Variants in CRKL observed in about 807,000 individuals in gnomAD.
The protein encoded by CRKL is CRK like proto-oncogene, adaptor protein.
In CRKL, 3 loss-of-function variants were observed where a neutral mutation model predicts 23.0. The observed-to-expected ratio is 0.13, with a 90% CI of 0.06 to 0.34. The LOEUF (loss-of-function observed/expected upper bound fraction) is 0.34. CRKL is among the 10% of genes least tolerant of loss of function. CRKL has a pLI of 1.00. For missense variants in CRKL, 256 were observed against 394.5 expected (o/e 0.65, Z 2.97); for synonymous variants, 188 against 160.7 (o/e 1.17, Z -1.28).
At chr22:20,921,528 T>TGTATA (rs1920994341) in intron 1 of CRKL, among the ~76,000 whole-genome samples, 1 of 152,044 alleles carries the variant, frequency 6.6e-6, no homozygotes, top group South Asian at 2.1e-4. Context: ...AGGAGGGACC[T>TGTATA]ACCTGGGGTG....
Position 20,917,924 on chromosome 22 carries a change from G to A in CRKL, c.-11G>A, listed in dbSNP as rs751723587. ...CCGCCCCTACCGCCGCAGAGTCCCC[G>A]GTCCAACACCATGTCCTCCGCCAGG... On this transcript the variant is annotated 5_prime_UTR_variant, in exon 1 of 3. Coordinates refer to ENST00000354336, the MANE Select transcript of CRKL (RefSeq NM_005207.4). The A allele has an allele frequency of 1.9e-6, 3 of 1,610,328 alleles. No individual in the cohort carries two copies. Among genetic ancestry groups the A allele is most frequent in the East Asian group, 2.2e-5 (1 of 44,806 alleles).
In CRKL at chr22:20,952,871, G is replaced by A. The variant is rs547433271; in HGVS notation, c.*3026G>A. ...TGATGACATGGTTAACGAGGAAGAC[G>A]ATGTGTTGACCGGCTGCCGTTTGAG... On this transcript the variant is annotated 3_prime_UTR_variant, in exon 3 of 3. Transcript: ENST00000354336. 1.3e-5 allele frequency: 3 copies of A among 231,424 alleles called. No homozygotes were observed. The highest frequency in any genetic ancestry group is 1.8e-4 in the South Asian group (1 of 5,500). 14.3% of individuals were successfully genotyped at this position (231,424 alleles called of 1,614,324 possible).
At chr22:20,926,413 G>A (rs1192073388) in intron 1 of CRKL, among the ~76,000 whole-genome samples, 1 of 152,138 alleles carries the variant, frequency 6.6e-6, no homozygotes, top group Non-Finnish European at 1.5e-5. Context: ...AAATGCCATA[G>A]GAATGTAAAG....
chr22:20,927,128 A>AAAG (rs1555918905), intron 1 of CRKL, among the ~76,000 whole-genome samples: 5 of 125,820 alleles, frequency 4.0e-5, no homozygotes, highest in African/African-American at 1.2e-4. Context: ...AAAAAAAAAA[A>AAAG]AAAAAAAAGA....
chr22:20,945,183 C>T (rs1009846435), intron 2 of CRKL, among the ~76,000 whole-genome samples: 8 of 151,346 alleles, frequency 5.3e-5, no homozygotes, highest in African/African-American at 1.7e-4. Context: ...TTAGTAGAGA[C>T]GGGGTTTCAC....
At chr22:20,945,012 G>T (rs1193566851) in intron 2 of CRKL, among the ~76,000 whole-genome samples, 87 of 148,766 alleles carry the variant, frequency 5.8e-4, no homozygotes, top group Admixed American at 5.8e-3. Flanking sequence ...CTTTTTTTTT[G>T]GGATGGAGTT....
chr22:20,927,900 G>C (rs1921289921), intron 1 of CRKL, among the ~76,000 whole-genome samples: 1 of 147,378 alleles, frequency 6.8e-6, no homozygotes, highest in East Asian at 2.0e-4. Context: ...GTTGGCTCAT[G>C]TCTGTAATCC....
chr22:20,929,694 C>G (rs1921369041), intron 1 of CRKL, among the ~76,000 whole-genome samples: 1 of 152,160 alleles, frequency 6.6e-6, no homozygotes, highest in South Asian at 2.1e-4. Context: ...AACTCCTGAC[C>G]TCATGATCCA....
chr22:20,929,984 G>A (rs962505714), intron 1 of CRKL, among the ~76,000 whole-genome samples: 23 of 152,162 alleles, frequency 1.5e-4, no homozygotes, highest in African/African-American at 5.3e-4. Flanking sequence ...GAATAAATGA[G>A]TTTGAGAATA....
intron 2 of CRKL, among the ~76,000 whole-genome samples, chr22:20,943,842 C>T (rs187307909): frequency 2.0e-3 from 307 of 152,022 alleles, no homozygotes; most frequent in African/African-American, 6.8e-3. Flanking sequence ...AAAAAAATCA[C>T]TTGATCATAA....
chr22:20,920,498 CA>C (rs370186040), intron 1 of CRKL, among the ~76,000 whole-genome samples: 163 of 133,346 alleles, frequency 1.2e-3, no homozygotes, highest in Middle Eastern at 3.7e-3. Flanking sequence ...GACTCTGTCT[CA>C]AAAAAAAAAA....
chr22:20,930,887 T>G (rs1420097346), intron 1 of CRKL, among the ~76,000 whole-genome samples: 4 of 150,590 alleles, frequency 2.7e-5, no homozygotes, highest in Non-Finnish European at 5.9e-5. Context: ...TTTCACCGTG[T>G]TAGCCAGGAT....
chr22:20,933,966 G>C lies in CRKL; in HGVS notation c.499G>C (p.Asp167His), dbSNP rs2147905076. The C allele has an allele frequency of 9.9e-6, 16 of 1,614,186 alleles. No individual in the cohort carries two copies. The highest frequency in any genetic ancestry group is 1.4e-5 in the Non-Finnish European group (16 of 1,180,038). Residue 167 changes from aspartate (D) to histidine (H), a missense_variant, in exon 2 of 3, where the codon GAT (aspartate) becomes CAT (histidine). By Grantham distance (81) the Asp-to-His change is moderately conservative (BLOSUM62 -1). This residue lies in a region of CRKL where 129 missense variants were observed against 222.1 expected (regional missense o/e 0.58). Transcript: ENST00000354336. ...EEQWWSARNK[D>H]GRVGMIPVPY... is the part of the protein sequence containing the mutation. ...ACAGTGGTGGAGTGCCCGGAACAAGGATGGCCGGGTTGGGATGATTCCTGT... is the reference window on the plus strand; with the variant it reads ...ACAGTGGTGGAGTGCCCGGAACAAGCATGGCCGGGTTGGGATGATTCCTGT...
In CRKL at chr22:20,934,171, A is replaced by G; in HGVS notation, c.704A>G (p.Asn235Ser). 6.2e-7 allele frequency: 1 copy of G among 1,614,196 alleles called. No individual in the cohort carries two copies. The highest frequency in any genetic ancestry group is 8.5e-7 in the Non-Finnish European group (1 of 1,180,036). ...AAITPLPSTQNGPVFAKAIQK... is the reference protein window; with the variant it reads ...AAITPLPSTQSGPVFAKAIQK... Reference sequence around the variant, plus strand: ...ATCACCCCTTTGCCATCCACACAGAATGGACCTGTCTTTGCGAAAGCAATC... The same window carrying G: ...ATCACCCCTTTGCCATCCACACAGAGTGGACCTGTCTTTGCGAAAGCAATC... Residue 235 changes from asparagine (N) to serine (S), a missense_variant, in exon 2 of 3, where the codon AAT (asparagine) becomes AGT (serine). Around this residue, in one of 3 missense-constraint regions of CRKL, gnomAD observed 129 missense variants for 222.1 expected, o/e 0.58. Transcript: ENST00000354336.
intron 1 of CRKL, among the ~76,000 whole-genome samples, chr22:20,930,497 G>T (rs1260572070): frequency 6.6e-6 from 1 of 151,524 alleles, no homozygotes. Flanking sequence ...CTCTTCCCTC[G>T]GCCTCCCAAG....
Position 20,918,030 on chromosome 22 carries a change from C to G in CRKL, c.96C>G (p.Arg32=), listed in dbSNP as rs752621623. 1 of 1,614,248 alleles carries G rather than the reference C, an allele frequency of 6.2e-7. No homozygotes were observed. Among genetic ancestry groups the G allele is most frequent in the Non-Finnish European group, 8.5e-7 (1 of 1,180,054 alleles). Residue 32 remains arginine (R), a synonymous_variant, in exon 1 of 3, where the codon CGC becomes CGG. Coordinates refer to ENST00000354336, the MANE Select transcript of CRKL (RefSeq NM_005207.4). ...CGCAGACCCGGCTCCAGGGCCAGCGCCACGGTATGTTCCTCGTCCGCGATT... is the reference window on the plus strand; with the variant it reads ...CGCAGACCCGGCTCCAGGGCCAGCGGCACGGTATGTTCCTCGTCCGCGATT... ...QEAQTRLQGQ[R]HGMFLVRDSS... is the part of the protein sequence containing the mutation.
chr22:20,918,826 G>C (rs1929786399), intron 1 of CRKL, among the ~76,000 whole-genome samples: 1 of 152,066 alleles, frequency 6.6e-6, no homozygotes, highest in Non-Finnish European at 1.5e-5. Context: ...TCTTGCCCTC[G>C]TGATCCGCCT....
intron 1 of CRKL, 54 bp from the exon 2 acceptor site, chr22:20,933,725 G>A: frequency 7.1e-7 from 1 of 1,407,946 alleles, no homozygotes; most frequent in Non-Finnish European, 9.7e-7. Context: ...AGTTTGACAG[G>A]CACTGGCTTA....
At chr22:20,938,926 G>A (rs1921760514) in intron 2 of CRKL, among the ~76,000 whole-genome samples, 3 of 152,110 alleles carry the variant, frequency 2.0e-5, no homozygotes, top group Admixed American at 6.6e-5. Context: ...CAGATCGTGT[G>A]GAGGAAAAAT....
Sources: gnomAD v4.1 joint callset for allele counts (sites outside exome capture counted in the v4.1 genomes callset) on GRCh38, gnomAD v4.1.1 for gene constraint, gnomAD v4.1.1 regional missense constraint, MANE v1.5 for transcripts, NCBI Gene and HGNC (gene_info 2026-07-23, HGNC 2026-07-21) for gene names.